SSH2: variants seen among roughly 807,000 people sequenced by gnomAD.
SSH2 encodes slingshot protein phosphatase 2, also known as protein phosphatase Slingshot homolog 2.
A neutral mutation model predicts 135.2 loss-of-function variants in SSH2; 37 were observed. The observed-to-expected ratio is 0.27, with a 90% CI of 0.21 to 0.36. SSH2 has a LOEUF of 0.36. SSH2 is among the 10% of genes least tolerant of loss of function. The probability of loss-of-function intolerance (pLI) is 1.00; values close to 1 mark genes in which losing one functional copy is unlikely to be tolerated. For missense variants in SSH2, 1,408 were observed against 1,765.3 expected (o/e 0.80, Z 3.63); for synonymous variants, 628 against 646.2 (o/e 0.97, Z 0.43).
chr17:29,663,632 G>A (rs1383347832), intron 11 of SSH2, among the ~76,000 whole-genome samples: 1 of 152,162 alleles, frequency 6.6e-6, no homozygotes, highest in Non-Finnish European at 1.5e-5. Context: ...AATTATACCT[G>A]AAGCTGAAGA....
intron 6 of SSH2, 53 bp downstream of exon 6, chr17:29,684,510 G>A: frequency 2.7e-6 from 4 of 1,460,982 alleles, no homozygotes; most frequent in African/African-American, 1.5e-5. Flanking sequence ...AAAAGCAACT[G>A]GAACAGGTTA....
chr17:29,805,054 G>A (rs1401975522), intron 2 of SSH2, among the ~76,000 whole-genome samples: 3 of 151,266 alleles, frequency 2.0e-5, no homozygotes, highest in Non-Finnish European at 4.4e-5. Flanking sequence ...CATGCAATAT[G>A]GAAACTTCAC....
intron 3 of SSH2, among the ~76,000 whole-genome samples, chr17:29,774,234 A>G (rs2041647747): frequency 6.6e-6 from 1 of 152,106 alleles, no homozygotes; most frequent in Non-Finnish European, 1.5e-5. Flanking sequence ...TTACTTTTTC[A>G]TCCAAAACAA....
At chr17:29,788,213 G>A (rs1246259292) in intron 3 of SSH2, among the ~76,000 whole-genome samples, 1 of 152,196 alleles carries the variant, frequency 6.6e-6, no homozygotes, top group Admixed American at 6.5e-5. Flanking sequence ...TTATCTGTGA[G>A]GGTGTTTCTG....
chr17:29,772,551 C>T (rs2041610645), intron 3 of SSH2, among the ~76,000 whole-genome samples: 1 of 152,124 alleles, frequency 6.6e-6, no homozygotes, highest in Admixed American at 6.6e-5. Flanking sequence ...ACCTACAGAA[C>T]TGGTAAAGTA....
intron 1 of SSH2, among the ~76,000 whole-genome samples, chr17:29,916,120 TA>T (rs986775742): frequency 5.3e-5 from 8 of 151,496 alleles, no homozygotes; most frequent in African/African-American, 1.5e-4. Flanking sequence ...TACATTGTCA[TA>T]AAAAAAATAA....
chr17:29,841,892 ATTT>A (rs770836134), intron 2 of SSH2, among the ~76,000 whole-genome samples: 1 of 99,640 alleles, frequency 1.0e-5, no homozygotes, highest in Non-Finnish European at 1.9e-5. Context: ...CCCTTGGCTA[ATTT>A]TTTTTTTTTT....
At chr17:29,756,429 C>A (rs1014376244) in intron 3 of SSH2, among the ~76,000 whole-genome samples, 1 of 147,026 alleles carries the variant, frequency 6.8e-6, no homozygotes, top group Non-Finnish European at 1.5e-5. Flanking sequence ...AACCACTACA[C>A]CTGCCTGCCT....
chr17:29,801,108 A>G (rs2042244361), intron 2 of SSH2, among the ~76,000 whole-genome samples: 1 of 151,898 alleles, frequency 6.6e-6, no homozygotes, highest in Non-Finnish European at 1.5e-5. Flanking sequence ...CAAGTGATCC[A>G]CCTATCTCAG....
At chr17:29,889,677 C>T (rs1178352907) in intron 1 of SSH2, among the ~76,000 whole-genome samples, 1 of 151,724 alleles carries the variant, frequency 6.6e-6, no homozygotes, top group Non-Finnish European at 1.5e-5. Context: ...AATCACATAT[C>T]CGACATGGGA....
intron 3 of SSH2, among the ~76,000 whole-genome samples, chr17:29,780,196 GACAGAGCGAGACTCCATCTCAA>G (rs2041808809): frequency 1.3e-5 from 2 of 152,056 alleles, no homozygotes; most frequent in South Asian, 4.1e-4. Context: ...CAGCCTGGGT[GACAGAGCGAGACTCCATCTCAA>G]ACAGCAACAA....
intron 5 of SSH2, among the ~76,000 whole-genome samples, chr17:29,694,949 A>G (rs1339424809): frequency 6.6e-6 from 1 of 152,180 alleles, no homozygotes; most frequent in East Asian, 1.9e-4. Flanking sequence ...TCTCAACGTG[A>G]GAGGTAGTCA....
chr17:29,698,893 A>C (rs1023348491), intron 4 of SSH2, among the ~76,000 whole-genome samples: 2 of 152,158 alleles, frequency 1.3e-5, no homozygotes, highest in African/African-American at 4.8e-5. Context: ...GAGAACCCTA[A>C]ATAGCAGCCC....
intron 3 of SSH2, among the ~76,000 whole-genome samples, chr17:29,749,269 T>C (rs552038570): frequency 6.6e-5 from 10 of 152,324 alleles, no homozygotes; most frequent in Non-Finnish European, 1.5e-4. Flanking sequence ...AATACAGTCA[T>C]GCATCACTTA....
intron 3 of SSH2, among the ~76,000 whole-genome samples, chr17:29,778,045 AT>A (rs1191086058): frequency 1.3e-5 from 2 of 152,168 alleles, no homozygotes; most frequent in African/African-American, 4.8e-5. Context: ...AAAAAAAAAA[AT>A]AAGTACTGCA....
chr17:29,852,775 C>T (rs759507685), intron 1 of SSH2, among the ~76,000 whole-genome samples: 2 of 151,856 alleles, frequency 1.3e-5, no homozygotes, highest in Non-Finnish European at 2.9e-5. Flanking sequence ...TGGTCTCTAT[C>T]TCCTCACCTC....
intron 3 of SSH2, among the ~76,000 whole-genome samples, chr17:29,790,779 A>G (rs971800317): frequency 1.4e-5 from 2 of 144,072 alleles, no homozygotes; most frequent in Admixed American, 7.1e-5. Flanking sequence ...CCCAGGCTGG[A>G]TTGCAGTGGC....
chr17:29,916,209 A>T (rs2066879443), intron 1 of SSH2, among the ~76,000 whole-genome samples: 1 of 152,190 alleles, frequency 6.6e-6, no homozygotes, highest in Non-Finnish European at 1.5e-5. Flanking sequence ...CATTATAAAA[A>T]TGACTAATAC....
chr17:29,632,704 C>G lies in SSH2; in HGVS notation c.2490G>C (p.Met830Ile). 6.2e-7 allele frequency: 1 copy of G among 1,614,148 alleles called. No homozygotes were observed. The highest frequency in any genetic ancestry group is 8.5e-7 in the Non-Finnish European group (1 of 1,180,036). ...AQTPENKPGHMEQDEDSCTAQ... is the reference protein window; with the variant it reads ...AQTPENKPGHIEQDEDSCTAQ... ...CTGTGCAGGAGTCCTCATCTTGCTC[C>G]ATATGTCCAGGTTTGTTCTCTGGAG... The change falls in exon 16 of 16, where the codon ATG (methionine) becomes ATC (isoleucine). Residue 830 changes from methionine to isoleucine, a missense_variant. Met to Ile is a conservative substitution (Grantham distance 10, BLOSUM62 1). Transcript: ENST00000540801.
Sources: gnomAD v4.1 joint callset for allele counts (sites outside exome capture counted in the v4.1 genomes callset) on GRCh38, gnomAD v4.1.1 for gene constraint, MANE v1.5 for transcripts, NCBI Gene and HGNC (gene_info 2026-07-23, HGNC 2026-07-21) for gene names.